Variants in CCDC112 observed in about 807,000 individuals in gnomAD.
CCDC112 encodes the protein coiled-coil domain containing 112, also known as coiled-coil domain-containing protein 112.
CCDC112 carries 40 observed loss-of-function variants against 66.3 expected under a neutral mutation model. That is an observed-to-expected ratio of 0.60 (90% confidence interval 0.47 to 0.79). The LOEUF is 0.79. Ranked by LOEUF, CCDC112 falls within the 30% of genes least tolerant of loss-of-function variation. The pLI, the probability that CCDC112 is intolerant of heterozygous loss-of-function variation, is 0.00. For missense variants in CCDC112, 659 were observed against 603.8 expected (o/e 1.09, Z -0.96); for synonymous variants, 214 against 197.2 (o/e 1.09, Z -0.71).
Position 115,284,794 on chromosome 5 carries a change from T to C in CCDC112, c.232A>G (p.Lys78Glu), listed in dbSNP as rs1266423175. 1 of 1,599,596 alleles carries C rather than the reference T, an allele frequency of 6.3e-7. No individual in the cohort carries two copies. The highest frequency in any genetic ancestry group is 1.1e-5 in the South Asian group (1 of 90,560). The change falls in exon 2 of 10, where the codon AAA becomes GAA. Residue 78 changes from lysine to glutamate, a missense_variant. Coordinates refer to ENST00000379611, the MANE Select transcript of CCDC112 (RefSeq NM_001040440.3). ...TTATATTCTTATACTTACTGATTTT[T>C]AAATTTTTCTGCTGTGCGTACAAAT... The part of the protein sequence containing the change: ...AEFVRTAEKF[K>E]NQVINMEKDK...
intron 1 of CCDC112, among the ~76,000 whole-genome samples, chr5:115,286,640 G>A (rs1240147424): frequency 6.6e-6 from 1 of 152,082 alleles, no homozygotes; most frequent in East Asian, 1.9e-4. Context: ...AGTGGGGCCT[G>A]GTGGCTCATG....
intron 4 of CCDC112, 73 bp from the exon 5 acceptor site, chr5:115,276,142 A>C: frequency 9.7e-7 from 1 of 1,030,738 alleles, no homozygotes; most frequent in East Asian, 2.5e-5. Flanking sequence ...TAGGAAGAAA[A>C]AGTGGAATGT....
At chr5:115,289,852 T>C (rs574872520) in intron 1 of CCDC112, among the ~76,000 whole-genome samples, 1 of 152,200 alleles carries the variant, frequency 6.6e-6, no homozygotes, top group Non-Finnish European at 1.5e-5. Context: ...CATGGCTAAT[T>C]TTTGTATTTT....
chr5:115,278,480 A>C (rs1749303767), intron 3 of CCDC112, among the ~76,000 whole-genome samples: 1 of 152,086 alleles, frequency 6.6e-6, no homozygotes, highest in Non-Finnish European at 1.5e-5. Flanking sequence ...AACTTATAAA[A>C]ATAACTTAAA....
chr5:115,292,958 G>A lies in CCDC112; in HGVS notation c.117+3469C>T, dbSNP rs571566439. ...CTGAGAGCTTCTTAGGTCTTTCCTG[G>A]TGTCTCCTATTGCTGCTGTAACAAA... On this transcript the variant is annotated intron_variant, in intron 1 of 9. Transcript: ENST00000379611. Among the ~76,000 whole-genome samples, 18 of 152,328 alleles carry A rather than the reference G, an allele frequency of 1.2e-4. No individual in the cohort carries two copies. In the South Asian group the frequency reaches 3.7e-3, roughly 32 times the overall value.
intron 9 of CCDC112, among the ~76,000 whole-genome samples, chr5:115,268,461 T>A (rs1012168631): frequency 6.6e-6 from 1 of 151,666 alleles, no homozygotes; most frequent in Admixed American, 6.6e-5. Flanking sequence ...TTAGTAGAGA[T>A]GGGGTTTCAC....
intron 6 of CCDC112, among the ~76,000 whole-genome samples, chr5:115,272,056 C>T (rs1176175350): frequency 6.6e-6 from 1 of 151,738 alleles, no homozygotes; most frequent in African/African-American, 2.4e-5. Flanking sequence ...TCCCAAAAAG[C>T]TGGGATTATA....
At chr5:115,291,900 C>G (rs1749946838) in intron 1 of CCDC112, among the ~76,000 whole-genome samples, 1 of 152,096 alleles carries the variant, frequency 6.6e-6, no homozygotes, top group South Asian at 2.1e-4. Context: ...ATGTAATGAA[C>G]TGTTTCTTTC....
At chr5:115,294,962 A>G (rs1750086574) in intron 1 of CCDC112, among the ~76,000 whole-genome samples, 2 of 152,130 alleles carry the variant, frequency 1.3e-5, no homozygotes, top group African/African-American at 4.8e-5. Flanking sequence ...TGCTTTCCCT[A>G]CTAAAGTGGT....
intron 3 of CCDC112, among the ~76,000 whole-genome samples, chr5:115,278,936 T>G (rs779533476): frequency 2.6e-5 from 4 of 152,204 alleles, no homozygotes; most frequent in Non-Finnish European, 4.4e-5. Context: ...TAAGAAATGC[T>G]AAGCAGCTTT....
chr5:115,272,642 A>G (rs183889000), intron 6 of CCDC112, among the ~76,000 whole-genome samples: 1 of 152,330 alleles, frequency 6.6e-6, no homozygotes, highest in African/African-American at 2.4e-5. Flanking sequence ...ATTATTTCAA[A>G]TTCTAGCAGG....
intron 1 of CCDC112, among the ~76,000 whole-genome samples, chr5:115,287,739 T>C (rs760084522): frequency 2.7e-5 from 4 of 147,074 alleles, no homozygotes; most frequent in Non-Finnish European, 4.5e-5. Context: ...GGTGAGGGTC[T>C]TCTTATGTTG....
intron 6 of CCDC112, among the ~76,000 whole-genome samples, chr5:115,274,406 C>T (rs575515483): frequency 1.8e-4 from 27 of 152,094 alleles, no homozygotes; most frequent in Admixed American, 1.0e-3. Flanking sequence ...CACAATCAGG[C>T]GTTATTTTTT....
chr5:115,291,457 T>A (rs1190984497), intron 1 of CCDC112, among the ~76,000 whole-genome samples: 1 of 152,190 alleles, frequency 6.6e-6, no homozygotes, highest in East Asian at 1.9e-4. Context: ...GTGATGTTTT[T>A]TGTTTGATTT....
chr5:115,295,635 G>T (rs1205226123), intron 1 of CCDC112, among the ~76,000 whole-genome samples: 1 of 152,102 alleles, frequency 6.6e-6, no homozygotes, highest in Admixed American at 6.5e-5. Flanking sequence ...TACACAACAG[G>T]CATAGTTCTT....
Position 115,279,766 on chromosome 5 carries a change from A to G in CCDC112, c.242T>C (p.Val81Ala). The change falls in exon 3 of 10, where the codon GTA becomes GCA. Residue 81 changes from valine (V) to alanine (A), a missense_variant and splice_region_variant. Val to Ala is a moderately conservative substitution (Grantham distance 64, BLOSUM62 0). Transcript: ENST00000379611. ...VRTAEKFKNQ[V>A]INMEKDKHSH... ...GTGTTTATCTTTTTCCATGTTAATT[A>G]CTCTTTAGGAAAAGAAACAAATAGT... 1 of 1,464,036 alleles carries G rather than the reference A, an allele frequency of 6.8e-7. No homozygotes were observed. The highest frequency in any genetic ancestry group is 1.7e-5 in the Admixed American group (1 of 57,542). The allele number at this position is 1,464,036 out of a possible 1,614,324, so 90.7% of individuals were successfully genotyped here.
At chr5:115,288,407 T>C (rs1561499691) in intron 1 of CCDC112, among the ~76,000 whole-genome samples, 1 of 152,192 alleles carries the variant, frequency 6.6e-6, no homozygotes, top group Non-Finnish European at 1.5e-5. Flanking sequence ...TCCCAGCAAC[T>C]CACAATTTAA....
Position 115,284,855 on chromosome 5 carries a change from G to A in CCDC112, c.171C>T (p.Asn57=), listed in dbSNP as rs144395597. The A allele has an allele frequency of 1.4e-4, 219 of 1,612,372 alleles. No individual in the cohort carries two copies. Among genetic ancestry groups the A allele is most frequent in the Non-Finnish European group, 1.8e-4 (210 of 1,178,698 alleles). The change falls in exon 2 of 10, where the codon AAC becomes AAT. Residue 57 remains asparagine, a synonymous_variant. Transcript: ENST00000379611. ...SGGIRPFHLQ[N]WKQKVNQTKK... is the part of the protein sequence containing the mutation. ...TAGTCTGATTAACTTTCTGCTTCCA[G>A]TTCTGAAGATGAAAAGGACGAATTC... is the stretch of plus-strand genomic sequence containing the variant.
chr5:115,267,861 A>G lies in CCDC112; in HGVS notation c.*15T>C, dbSNP rs769293464. On this transcript the variant is annotated 3_prime_UTR_variant, in exon 10 of 10. Transcript: ENST00000379611. ...ATGTTAACATTCTTATCAACTGAGTAGCAATTTGATTATCTCATACTCTTC... is the reference window on the plus strand; with the variant it reads ...ATGTTAACATTCTTATCAACTGAGTGGCAATTTGATTATCTCATACTCTTC... 4.4e-6 allele frequency: 7 copies of G among 1,602,146 alleles called. No individual in the cohort carries two copies. Among genetic ancestry groups the G allele is most frequent in the Admixed American group, 1.7e-5 (1 of 59,986 alleles).
Sources: gnomAD v4.1 joint callset for allele counts (sites outside exome capture counted in the v4.1 genomes callset) on GRCh38, gnomAD v4.1.1 for gene constraint, MANE v1.5 for transcripts, NCBI Gene and HGNC (gene_info 2026-07-23, HGNC 2026-07-21) for gene names.